Variants in IL34 observed in about 807,000 individuals in gnomAD.
The protein encoded by IL34 is interleukin 34, also known as interleukin-34.
Under a neutral mutation model 25.3 loss-of-function variants are expected in IL34, and 17 were observed. The ratio of observed to expected loss-of-function variants is 0.67; its 90% CI spans 0.46 to 1.01. The LOEUF is 1.01. IL34 is among the 50% of genes least tolerant of loss of function. IL34 has a pLI of 0.00. For synonymous variants in IL34, 174 were observed against 140.9 expected (o/e 1.23, Z -1.66); for missense variants, 368 against 312.9 (o/e 1.18, Z -1.33).
intron 1 of IL34, among the ~76,000 whole-genome samples, chr16:70,602,352 G>A (rs2151818753): frequency 6.6e-6 from 1 of 152,218 alleles, no homozygotes; most frequent in East Asian, 1.9e-4. Context: ...CAAACTTTCT[G>A]AGCTTTGGTT....
chr16:70,613,641 C>T (rs1026953167), intron 1 of IL34, among the ~76,000 whole-genome samples: 6 of 151,506 alleles, frequency 4.0e-5, no homozygotes, highest in Admixed American at 1.3e-4. Flanking sequence ...TGGGAGGCTG[C>T]GGTGGGTGGA....
rs1364079108 is a variant in IL34 at position 70,618,705 on chromosome 16, GA to G, written c.-400-27841del. ...TAGGGAGGAAAGGAATTGTTTTGTA[GA>G]AGGTGCTGGGGTTTGAGAGATCAGT... On this transcript the variant is annotated intron_variant, in intron 1 of 6. Coordinates refer to the IL34 transcript ENST00000429149. Among the ~76,000 whole-genome samples, 3 of 152,146 alleles carry G rather than the reference GA, an allele frequency of 2.0e-5. 1 individual carries two copies. Among genetic ancestry groups the G allele is most frequent in the Non-Finnish European group, 4.4e-5 (3 of 68,042 alleles).
At chr16:70,652,618 C>G (rs1289550694) in intron 1 of IL34, among the ~76,000 whole-genome samples, 2 of 152,194 alleles carry the variant, frequency 1.3e-5, no homozygotes, top group Non-Finnish European at 2.9e-5. Flanking sequence ...TGGCTACATG[C>G]ATTATTATGG....
chr16:70,595,730 G>A (rs190346323), intron 1 of IL34, among the ~76,000 whole-genome samples: 78 of 152,186 alleles, frequency 5.1e-4, no homozygotes, highest in Non-Finnish European at 9.6e-4. Context: ...AAGAAAATCC[G>A]GCTGGGCGTG....
In IL34 at chr16:70,659,662, G is replaced by T. The variant is rs765228178; in HGVS notation, c.447G>T (p.Leu149Phe). 1.7e-5 allele frequency: 28 copies of T among 1,613,004 alleles called. No individual in the cohort carries two copies. The South Asian group carries it at 3.1e-4, about 18-fold the overall frequency. Residue 149 changes from leucine (L) to phenylalanine (F), a missense_variant, in exon 5 of 6, where the codon TTG (leucine) becomes TTT (phenylalanine). Coordinates refer to ENST00000288098, the MANE Select transcript of IL34 (RefSeq NM_001393494.1). ...AGGTGGAATCCGTGTTGTCCCTCTT[G>T]AATGCCCCAGGGCCAAACCTGAAGC... The part of the protein sequence containing the change: ...SPKVESVLSL[L>F]NAPGPNLKLV...
chr16:70,639,298 G>C lies in IL34; in HGVS notation c.-400-7250G>C, dbSNP rs187932184. Among the ~76,000 whole-genome samples, 403 of 152,292 alleles carry C rather than the reference G, an allele frequency of 2.6e-3. 1 individual carries two copies. Among genetic ancestry groups the C allele is most frequent in the Non-Finnish European group, 4.0e-3 (274 of 68,032 alleles). Reference sequence around the variant, plus strand: ...CCCAGCCAATCTTGTTTGAGAAGCAGGCATTTGAAAACAAATTACACGGGC... The same window carrying C: ...CCCAGCCAATCTTGTTTGAGAAGCACGCATTTGAAAACAAATTACACGGGC... On this transcript the variant is annotated intron_variant, in intron 1 of 6. Transcript: ENST00000429149.
chr16:70,655,047 G>T (rs939930351), intron 2 of IL34, among the ~76,000 whole-genome samples: 6 of 150,508 alleles, frequency 4.0e-5, no homozygotes, highest in African/African-American at 1.2e-4. Context: ...TGTCTGTGTG[G>T]CTCTATGTAT....
Position 70,659,616 on chromosome 16 carries a change from A to G in IL34, c.403-2A>G. ...CGCTCCTGACTGTTTCCTCCTTTCC[A>G]GGATGTGGAGGTCAGCCCCAAGGTG... On this transcript the variant is annotated splice_acceptor_variant, in intron 4 of 5. Transcript: ENST00000288098. LOFTEE classifies it high-confidence loss of function. The G allele has an allele frequency of 1.9e-6, 3 of 1,603,470 alleles. No homozygotes were observed. Among genetic ancestry groups the G allele is most frequent in the Non-Finnish European group, 2.6e-6 (3 of 1,172,514 alleles).
At chr16:70,587,599 G>T (rs923804324) in intron 1 of IL34, among the ~76,000 whole-genome samples, 6 of 151,910 alleles carry the variant, frequency 3.9e-5, no homozygotes, top group African/African-American at 1.5e-4. Flanking sequence ...TCCCAGCTCT[G>T]CCACCTGCCG....
At chr16:70,640,749 T>C (rs1280341295) in intron 1 of IL34, among the ~76,000 whole-genome samples, 1 of 152,054 alleles carries the variant, frequency 6.6e-6, no homozygotes, top group African/African-American at 2.4e-5. Context: ...AAGCATACGG[T>C]TGGATAAATT....
intron 1 of IL34, among the ~76,000 whole-genome samples, chr16:70,630,298 C>A (rs116378355): frequency 5.3e-5 from 8 of 152,018 alleles, no homozygotes; most frequent in Non-Finnish European, 1.5e-5. Flanking sequence ...AATGCACTGA[C>A]GTGATCTCTG....
intron 1 of IL34, among the ~76,000 whole-genome samples, chr16:70,635,367 T>G (rs1213526152): frequency 6.6e-6 from 1 of 152,214 alleles, no homozygotes; most frequent in Non-Finnish European, 1.5e-5. Context: ...CAGCCTACCC[T>G]GCTAGTTTTT....
At chr16:70,616,177 TG>T (rs2051170084) in intron 1 of IL34, among the ~76,000 whole-genome samples, 1 of 152,148 alleles carries the variant, frequency 6.6e-6, no homozygotes. Context: ...CGTGGCCTGT[TG>T]CAGGTGCATA....
At chr16:70,654,815 C>T (rs1209716445) in intron 2 of IL34, 144 bp downstream of exon 2, 1 of 1,079,224 alleles carries the variant, frequency 9.3e-7, no homozygotes, top group East Asian at 2.6e-5. Context: ...TCTCCGAAAC[C>T]TACCCATGCA....
At chr16:70,629,387 C>T (rs895438194) in intron 1 of IL34, among the ~76,000 whole-genome samples, 2 of 152,200 alleles carry the variant, frequency 1.3e-5, no homozygotes, top group South Asian at 4.1e-4. Context: ...TGATTTTTAT[C>T]TAACATTTAC....
At chr16:70,585,642 G>A (rs1333638141) in intron 1 of IL34, among the ~76,000 whole-genome samples, 2 of 151,356 alleles carry the variant, frequency 1.3e-5, no homozygotes, top group Admixed American at 6.6e-5. Flanking sequence ...CTGAGATTGT[G>A]CCACTCACTG....
At chr16:70,653,784 T>C (rs528520102) in intron 1 of IL34, among the ~76,000 whole-genome samples, 1 of 152,352 alleles carries the variant, frequency 6.6e-6, no homozygotes, top group Admixed American at 6.5e-5. Context: ...ACTTCTGTTT[T>C]ATTCTTTCTG....
At chr16:70,657,215 G>A in intron 4 of IL34, 94 bp downstream of exon 4, 3 of 1,348,200 alleles carry the variant, frequency 2.2e-6, no homozygotes, top group South Asian at 1.4e-5. Flanking sequence ...TGAGGGAAAG[G>A]GTGAATACAC....
chr16:70,660,028 C>A lies in IL34; in HGVS notation c.570C>A (p.Asp190Glu). The A allele has an allele frequency of 6.2e-7, 1 of 1,608,882 alleles. No homozygotes were observed. Among genetic ancestry groups the A allele is most frequent in the Admixed American group, 1.7e-5 (1 of 58,616 alleles). The change falls in exon 6 of 6, where the codon GAC becomes GAA. Residue 190 changes from aspartate to glutamate, a missense_variant. Asp to Glu is a conservative substitution (Grantham distance 45). Coordinates refer to ENST00000288098, the MANE Select transcript of IL34 (RefSeq NM_001393494.1). ...AAAGCTCCGTCCTAAACTGGCAGGA[C>A]TGTGAGGTGCCAAGTCCTCAGTCTT... ...CKQSSVLNWQDCEVPSPQSCS... is the reference protein window; with the variant it reads ...CKQSSVLNWQECEVPSPQSCS...
Sources: gnomAD v4.1 joint callset for allele counts (sites outside exome capture counted in the v4.1 genomes callset) on GRCh38, gnomAD v4.1.1 for gene constraint, MANE v1.5 for transcripts, NCBI Gene and HGNC (gene_info 2026-07-23, HGNC 2026-07-21) for gene names.